SLC26A6: variants seen among roughly 807,000 people sequenced by gnomAD.
SLC26A6 encodes the protein anion exchange transporter.
Under a neutral mutation model 87.1 loss-of-function variants are expected in SLC26A6, and 67 were observed. The observed-to-expected ratio is 0.77, with a 90% CI of 0.63 to 0.94. The LOEUF is 0.94. Ranked by LOEUF, SLC26A6 falls within the 40% of genes least tolerant of loss-of-function variation. The pLI, the probability that SLC26A6 is intolerant of heterozygous loss-of-function variation, is 0.00. For missense variants in SLC26A6, 902 were observed against 973.0 expected, an observed-to-expected ratio of 0.93 and a Z score of 0.97; for synonymous variants, 414 against 405.9, an observed-to-expected ratio of 1.02 and a Z score of -0.24.
chr3:48,632,547 G>C, intron 4 of SLC26A6, 151 bp from the exon 5 acceptor site: 1 of 1,101,958 alleles, frequency 9.1e-7, no homozygotes, highest in Non-Finnish European at 1.3e-6. Context: ...TGGCGGTTCA[G>C]GTTTGGCCAG....
rs779876704 is a variant in SLC26A6, at chr3:48,627,062, A to C, written c.1894-7T>G. On this transcript the variant is annotated splice_polypyrimidine_tract_variant and splice_region_variant and intron_variant, in intron 17 of 20. Coordinates refer to ENST00000395550, the MANE Select transcript of SLC26A6 (RefSeq NM_022911.3). Reference sequence around the variant, plus strand: ...TATCTCCTGAGCTCACCTGCTGGGGAGCCAGACATGCTGCCAGGGCCACCC... The same window carrying C: ...TATCTCCTGAGCTCACCTGCTGGGGCGCCAGACATGCTGCCAGGGCCACCC... 6.2e-7 allele frequency: 1 copy of C among 1,610,296 alleles called. No individual in the cohort carries two copies. Among genetic ancestry groups the C allele is most frequent in the Non-Finnish European group, 8.5e-7 (1 of 1,178,226 alleles).
At position 48,627,205 on chromosome 3, in the gene SLC26A6, A is replaced by C. The variant is rs147391408; in HGVS notation, c.1894-150T>G. 7.7e-3 allele frequency: 6,974 copies of C among 904,638 alleles called. 53 individuals are homozygous for C. The highest frequency in any genetic ancestry group is 0.022 in the Middle Eastern group (91 of 4,060). The allele number at this position is 904,638 out of a possible 1,614,324, so 56.0% of individuals were successfully genotyped here. A position where few individuals can be genotyped will look rare whatever the true frequency, so the allele number is the denominator to read the frequency against. On this transcript the variant is annotated intron_variant, in intron 17 of 20. Transcript: ENST00000395550. ...ACATGCGGGAGTCACATAGGTGTGC[A>C]AAGACAGGAATGACAGATGTGTGGG...
Position 48,635,417 on chromosome 3 carries a change from G to C in SLC26A6, c.-24C>G, listed in dbSNP as rs745497992. The C allele has an allele frequency of 2.5e-6, 4 of 1,570,700 alleles. No individual in the cohort carries two copies. In the South Asian group the frequency reaches 4.6e-5, roughly 18 times the overall value. ...ATGGCTCGCAAGTTGTCCGGTGCGG[G>C]CTGCTCCTGCTGCTCGAGCTAGAGG... On this transcript the variant is annotated 5_prime_UTR_variant, in exon 1 of 21. Transcript: ENST00000395550.
chr3:48,632,583 G>A, intron 4 of SLC26A6, 187 bp from the exon 5 acceptor site: 2 of 792,790 alleles, frequency 2.5e-6, no homozygotes, highest in Non-Finnish European at 4.3e-6. Flanking sequence ...TGAGCTCACA[G>A]GCCCTTAAGC....
In SLC26A6 at chr3:48,633,073, C is replaced by T. The variant is rs1274431747; in HGVS notation, c.334G>A (p.Ala112Thr). 6.2e-6 allele frequency: 10 copies of T among 1,612,104 alleles called. No homozygotes were observed. The highest frequency in any genetic ancestry group is 3.3e-5 in the Admixed American group (2 of 59,852). Residue 112 changes from alanine to threonine, a missense_variant, in exon 4 of 21, where the codon GCC becomes ACC. Around this residue, in one of 3 missense-constraint regions of SLC26A6, gnomAD observed 800 missense variants for 856.8 expected, o/e 0.93. Coordinates refer to ENST00000395550, the MANE Select transcript of SLC26A6 (RefSeq NM_022911.3). ...ACGGGGGGCAATCCAGCCAGGAGGG[C>T]GTAGGCCAAGCCTAGGGGTAGAATG... Reference protein sequence around the residue: ...IMQLPQGLAYALLAGLPPVFG... With the variant: ...IMQLPQGLAYTLLAGLPPVFG...
intron 1 of SLC26A6, 86 bp downstream of exon 1, chr3:48,635,285 C>A: frequency 8.1e-7 from 1 of 1,230,420 alleles, no homozygotes; most frequent in Non-Finnish European, 1.1e-6. Flanking sequence ...CGGAGAATGC[C>A]TGCTCCAGCG....
Position 48,633,589 on chromosome 3 carries a change from G to A in SLC26A6, c.70C>T (p.Leu24=). 3 of 1,613,572 alleles carry A rather than the reference G, an allele frequency of 1.9e-6. No individual in the cohort carries two copies. Among genetic ancestry groups the A allele is most frequent in the South Asian group, 2.2e-5 (2 of 91,084 alleles). ...TCCATGTGGTAGTCTCGCCTCCGCA[G>A]GTCCATTGCTTGTGTTGCAGACAGC... is the stretch of plus-strand genomic sequence containing the variant. The part of the protein sequence containing the change: ...ALLSATQAMD[L]RRRDYHMERP... The change falls in exon 2 of 21, where the codon CTG becomes TTG. Residue 24 remains leucine, a synonymous_variant. Coordinates refer to ENST00000395550, the MANE Select transcript of SLC26A6 (RefSeq NM_022911.3).
At chr3:48,627,246 ACACC>A (rs1362378098) in intron 17 of SLC26A6, 191 bp from the exon 18 acceptor site, 2 of 667,190 alleles carry the variant, frequency 3.0e-6, no homozygotes, top group East Asian at 5.5e-5. Context: ...GCAGGAGGGC[ACACC>A]CAGATGTGCA....
rs1330904495 is a variant in SLC26A6 at position 48,630,594 on chromosome 3, A to ACC, written c.1248+11_1248+12dup. ...TGTGCATGCCCACACCCATGCCCAC[A>ACC]CCCAAAGCCCACCTGCGAGTTGCCC... On this transcript the variant is annotated intron_variant, in intron 10 of 20. Coordinates refer to ENST00000395550, the MANE Select transcript of SLC26A6 (RefSeq NM_022911.3). 6.4e-7 allele frequency: 1 copy of ACC among 1,568,534 alleles called. No individual in the cohort carries two copies. The highest frequency in any genetic ancestry group is 1.4e-5 in the African/African-American group (1 of 73,824).
intron 7 of SLC26A6, 130 bp from the exon 8 acceptor site, chr3:48,631,436 G>T (rs2046788751): frequency 1.7e-6 from 2 of 1,161,202 alleles, no homozygotes; most frequent in South Asian, 1.6e-5. Flanking sequence ...GTCACGTAGG[G>T]TGAGAGACAG....
Position 48,628,656 on chromosome 3 carries a change from T to C in SLC26A6, c.1658A>G (p.Asn553Ser), listed in dbSNP as rs776286956. 3.1e-6 allele frequency: 5 copies of C among 1,613,718 alleles called. No individual in the cohort carries two copies. In the East Asian group the frequency reaches 6.7e-5, roughly 22 times the overall value. ...CAGCGCATCACTGTAGAACTCAGCA[T>C]TGGCAAAGTACACGGTGGCCGAGGA... ...FRSSATVYFA[N>S]AEFYSDALKQ... Residue 553 changes from asparagine (N) to serine (S), a missense_variant, in exon 15 of 21, where the codon AAT becomes AGT. By Grantham distance (46) the Asn-to-Ser change is conservative (BLOSUM62 1). Transcript: ENST00000395550. This position sits in a 1 kb window ranked among gnomAD's most constrained non-coding sequence, Gnocchi z 4.4.
Position 48,633,071 on chromosome 3 carries a change from G to T in SLC26A6, c.336C>A (p.Ala112=), listed in dbSNP as rs752378344. Residue 112 remains alanine, a synonymous_variant, in exon 4 of 21, where the codon GCC becomes GCA. Transcript: ENST00000395550. ...ACACGGGGGGCAATCCAGCCAGGAG[G>T]GCGTAGGCCAAGCCTAGGGGTAGAA... ...IMQLPQGLAY[A]LLAGLPPVFG... is the part of the protein sequence containing the mutation. 1.2e-6 allele frequency: 2 copies of T among 1,612,778 alleles called. No individual in the cohort carries two copies. The highest frequency in any genetic ancestry group is 8.5e-7 in the Non-Finnish European group (1 of 1,179,504).
In SLC26A6 at chr3:48,633,365, G is replaced by A. The variant is rs767950688; in HGVS notation, c.208C>T (p.Leu70Phe). The change falls in exon 3 of 21, where the codon CTT (leucine) becomes TTT (phenylalanine). Residue 70 changes from leucine to phenylalanine, a missense_variant. Transcript: ENST00000395550. Reference sequence around the variant, plus strand: ...AAAACCGGGAGGTGTTGGAGCAGAAGGGCATAGGCCCGAGCACGGGAGCAC... The same window carrying A: ...AAAACCGGGAGGTGTTGGAGCAGAAAGGCATAGGCCCGAGCACGGGAGCAC... ...LQCSRARAYA[L>F]LLQHLPVLVW... is the part of the protein sequence containing the mutation. The A allele has an allele frequency of 5.6e-6, 9 of 1,613,390 alleles. No individual in the cohort carries two copies. The highest frequency in any genetic ancestry group is 5.5e-5 in the South Asian group (5 of 91,094).
In SLC26A6 at chr3:48,628,374, A is replaced by T. The variant is rs769302629; in HGVS notation, c.1800+60T>A. On this transcript the variant is annotated intron_variant, in intron 16 of 20. Transcript: ENST00000395550. This position sits in a 1 kb window ranked among gnomAD's most constrained non-coding sequence, Gnocchi z 4.4. ...GAGGGAGGAGTCGGGGGCCAGGAGA[A>T]AGGCTGGGGCAGGGAACAGGGGGCA... 3.8e-6 allele frequency: 6 copies of T among 1,583,996 alleles called. No individual in the cohort carries two copies. Among genetic ancestry groups the T allele is most frequent in the Non-Finnish European group, 5.2e-6 (6 of 1,162,948 alleles).
chr3:48,626,447 GACCTCC>G lies in SLC26A6; in HGVS notation c.2129-99_2129-94del, dbSNP rs145772286. The G allele has an allele frequency of 9.0e-4, 1,414 of 1,579,560 alleles. 13 individuals are homozygous for G. In the African/African-American group the frequency reaches 0.017, roughly 19 times the overall value. ...AGAATGCCCTGACCTCATCACCCCT[GACCTCC>G]ACCCCTGAGGCTACAGCTGAATCCA... On this transcript the variant is annotated intron_variant, in intron 19 of 20. Coordinates refer to ENST00000395550, the MANE Select transcript of SLC26A6 (RefSeq NM_022911.3).
chr3:48,634,423 AG>A (rs1422502591), intron 1 of SLC26A6: 1 of 152,248 alleles, frequency 6.6e-6, no homozygotes. Flanking sequence ...GTTCTGATAC[AG>A]GGGGAATCTT....
Position 48,628,526 on chromosome 3 carries a change from C to G in SLC26A6, c.1708G>C (p.Asp570His). The G allele has an allele frequency of 6.2e-7, 1 of 1,614,056 alleles. No individual in the cohort carries two copies. Among genetic ancestry groups the G allele is most frequent in the Non-Finnish European group, 8.5e-7 (1 of 1,179,990 alleles). Reference sequence around the variant, plus strand: ...TTCTTCTTCTGGGAGATGAGGAAGTCGACATCCACACCACACTGGAGGCAA... The same window carrying G: ...TTCTTCTTCTGGGAGATGAGGAAGTGGACATCCACACCACACTGGAGGCAA... Reference protein sequence around the residue: ...ALKQRCGVDVDFLISQKKKLL... With the variant: ...ALKQRCGVDVHFLISQKKKLL... Residue 570 changes from aspartate (D) to histidine (H), a missense_variant, in exon 16 of 21, where the codon GAC (aspartate) becomes CAC (histidine). Transcript: ENST00000395550. This position sits in a 1 kb window ranked among gnomAD's most constrained non-coding sequence, Gnocchi z 4.4.
intron 5 of SLC26A6, 67 bp downstream of exon 5, chr3:48,632,178 G>A: frequency 1.3e-6 from 2 of 1,576,246 alleles, no homozygotes; most frequent in Non-Finnish European, 1.7e-6. Context: ...ACTCAGGGGA[G>A]TACAGACAGG....
intron 9 of SLC26A6, 30 bp downstream of exon 9, chr3:48,630,963 T>C: frequency 6.2e-7 from 1 of 1,610,452 alleles, no homozygotes; most frequent in Non-Finnish European, 8.5e-7. Flanking sequence ...TACACTTGGA[T>C]GCCTCCTACA....
Sources: allele counts gnomAD v4.1 joint callset, GRCh38; gene constraint gnomAD v4.1.1; regional missense constraint gnomAD v4.1.1; non-coding constraint Gnocchi (gnomAD v3.1); transcripts MANE v1.5; gene names NCBI Gene and HGNC (gene_info 2026-07-23, HGNC 2026-07-21).